Variants in ROS1 observed in about 807,000 individuals in gnomAD.
ROS1 encodes the protein ROS proto-oncogene 1, receptor tyrosine kinase.
In ROS1, 263 loss-of-function variants were observed where a neutral mutation model predicts 273.5. That is an observed-to-expected ratio of 0.96 (90% CI 0.87 to 1.06). The LOEUF is 1.06. Ranked by LOEUF, ROS1 falls within the 50% of genes least tolerant of loss-of-function variation. The probability of loss-of-function intolerance (pLI) is 0.00; values close to 1 mark genes in which losing one functional copy is unlikely to be tolerated. For synonymous variants in ROS1, 1,008 were observed against 954.1 expected, an observed-to-expected ratio of 1.06 and a Z score of -1.04; for missense variants, 2,833 against 2,751.1, an observed-to-expected ratio of 1.03 and a Z score of -0.67.
intron 32 of ROS1, among the ~76,000 whole-genome samples, chr6:117,336,257 G>A (rs1343545008): frequency 6.6e-6 from 1 of 151,782 alleles, no homozygotes; most frequent in Admixed American, 6.6e-5. Flanking sequence ...ACTACACCTA[G>A]CAAACCATCA....
chr6:117,337,433 T>G, intron 31 of ROS1, 93 bp from the exon 32 acceptor site: 1 of 914,722 alleles, frequency 1.1e-6, no homozygotes, highest in East Asian at 2.7e-5. Flanking sequence ...GTGGTTAAAA[T>G]TTAAGCATTC....
chr6:117,391,162 T>A (rs186204369), intron 12 of ROS1, among the ~76,000 whole-genome samples: 1 of 152,236 alleles, frequency 6.6e-6, no homozygotes, highest in South Asian at 2.1e-4. Context: ...TAGAATAATA[T>A]CCTGAGATAT....
At position 117,412,605 on chromosome 6, in the gene ROS1, CA is replaced by C. The variant is rs1775005959; in HGVS notation, c.255+1913del. On this transcript the variant is annotated intron_variant, in intron 4 of 43. Transcript: ENST00000368507. ...ATAGATAGGTACATAGATAGATAGA[CA>C]GATAGATAGATAGATAGATAGATAG... Among the ~76,000 whole-genome samples, 31 of 151,264 alleles carry C rather than the reference CA, an allele frequency of 2.0e-4. No individual in the cohort carries two copies. In the East Asian group the frequency reaches 5.4e-3, roughly 27 times the overall value.
At chr6:117,294,672 C>T (rs1364519253) in intron 43 of ROS1, among the ~76,000 whole-genome samples, 24 of 152,008 alleles carry the variant, frequency 1.6e-4, no homozygotes, top group Non-Finnish European at 2.2e-4. Context: ...CAAAAATAAT[C>T]TAGCTGATAA....
intron 43 of ROS1, among the ~76,000 whole-genome samples, chr6:117,293,065 A>G (rs554973233): frequency 1.3e-5 from 2 of 152,290 alleles, no homozygotes; most frequent in Admixed American, 6.5e-5. Flanking sequence ...CCTGAAATAC[A>G]TAGGATACCT....
chr6:117,296,739 G>C (rs1184670675), intron 43 of ROS1, among the ~76,000 whole-genome samples: 1 of 152,108 alleles, frequency 6.6e-6, no homozygotes, highest in Non-Finnish European at 1.5e-5. Flanking sequence ...CTAAATATTT[G>C]ATAGCACAAT....
intron 42 of ROS1, among the ~76,000 whole-genome samples, chr6:117,305,559 T>C (rs573233957): frequency 9.2e-5 from 14 of 152,262 alleles, no homozygotes; most frequent in African/African-American, 2.6e-4. Flanking sequence ...TGTTAATATA[T>C]AAACCCTTTC....
At chr6:117,425,024 C>G (rs1776036412) in intron 1 of ROS1, among the ~76,000 whole-genome samples, 1 of 152,088 alleles carries the variant, frequency 6.6e-6, no homozygotes, top group African/African-American at 2.4e-5. Context: ...ATATAAAAAA[C>G]TCACTAACTA....
At chr6:117,301,953 T>C (rs577068066) in intron 42 of ROS1, among the ~76,000 whole-genome samples, 1 of 152,304 alleles carries the variant, frequency 6.6e-6, no homozygotes, top group Non-Finnish European at 1.5e-5. Context: ...TAGTATTCAT[T>C]CATTCACTCA....
chr6:117,407,497 C>T lies in ROS1; in HGVS notation c.316+2085G>A, dbSNP rs1562376933. Among the ~76,000 whole-genome samples, 3 of 152,278 alleles carry T rather than the reference C, an allele frequency of 2.0e-5. No individual in the cohort carries two copies. In the South Asian group the frequency reaches 6.2e-4, roughly 32 times the overall value. ...TCAAAATCTAACACTGAGAAGCATA[C>T]CTTCTGTACCTTTTACAAATTTCTA... On this transcript the variant is annotated intron_variant, in intron 5 of 43. Transcript: ENST00000368507.
At chr6:117,340,635 C>A (rs371088897) in intron 31 of ROS1, among the ~76,000 whole-genome samples, 1 of 152,036 alleles carries the variant, frequency 6.6e-6, no homozygotes, top group Non-Finnish European at 1.5e-5. Flanking sequence ...TTGGTTAAAG[C>A]GTGAAAAGTT....
At position 117,394,115 on chromosome 6, in the gene ROS1, T is replaced by A. The variant is rs2208423; in HGVS notation, c.1191+47A>T. On this transcript the variant is annotated intron_variant, in intron 11 of 43. Coordinates refer to ENST00000368507, the MANE Select transcript of ROS1 (RefSeq NM_001378902.1). ...TATTAAATATACCAAGATATGCATA[T>A]CAGTATCACTGTCTATCACTATTCC... 7,130 of 1,232,052 alleles carry A rather than the reference T, an allele frequency of 5.8e-3. 317 individuals are homozygous for A. The Admixed American group carries it at 0.08, about 14-fold the overall frequency. The allele number at this position is 1,232,052 out of a possible 1,614,324, so 76.3% of individuals were successfully genotyped here.
At chr6:117,306,830 T>G in intron 42 of ROS1, among the ~76,000 whole-genome samples, 2 of 152,156 alleles carry the variant, frequency 1.3e-5, no homozygotes, top group Non-Finnish European at 2.9e-5. Flanking sequence ...GATCTCCATT[T>G]CCTAGCCCAG....
rs896690501 is a variant in ROS1 at position 117,287,828 on chromosome 6, G to A, written c.*664C>T. Among the ~76,000 whole-genome samples, 4 of 151,146 alleles carry A rather than the reference G, an allele frequency of 2.6e-5. No homozygotes were observed. Among genetic ancestry groups the A allele is most frequent in the East Asian group, 3.9e-4 (2 of 5,136 alleles). On this transcript the variant is annotated 3_prime_UTR_variant, in exon 44 of 44. Transcript: ENST00000368507. ...CCAGCTACTTAGGAGGCTGAGGCAC[G>A]AGAATTGCTTGAACCCAGGAGGTGG...
chr6:117,348,812 TTTTAA>T (rs1159311679), intron 27 of ROS1, among the ~76,000 whole-genome samples: 1 of 151,980 alleles, frequency 6.6e-6, no homozygotes, highest in African/African-American at 2.4e-5. Context: ...TTCAAAATAT[TTTTAA>T]TTTGAGATTT....
At chr6:117,308,554 C>T (rs1305789070) in intron 42 of ROS1, among the ~76,000 whole-genome samples, 1 of 151,950 alleles carries the variant, frequency 6.6e-6, no homozygotes, top group East Asian at 1.9e-4. Flanking sequence ...TTTACTTAAC[C>T]AGAAGTATTT....
intron 18 of ROS1, among the ~76,000 whole-genome samples, chr6:117,370,064 TAAA>T (rs1780645966): frequency 6.6e-6 from 1 of 152,206 alleles, no homozygotes; most frequent in African/African-American, 2.4e-5. Context: ...TGTATGTGTA[TAAA>T]TCTATATCTA....
chr6:117,321,116 G>A (rs1328635970), intron 36 of ROS1, 143 bp downstream of exon 36: 8 of 813,192 alleles, frequency 9.8e-6, no homozygotes, highest in Non-Finnish European at 1.4e-5. Flanking sequence ...ATTTGAGAGT[G>A]GAAGAGGAAG....
In ROS1 at chr6:117,341,433, A is replaced by C; in HGVS notation, c.4851T>G (p.Thr1617=). 6.2e-7 allele frequency: 1 copy of C among 1,613,806 alleles called. No homozygotes were observed. The highest frequency in any genetic ancestry group is 8.5e-7 in the Non-Finnish European group (1 of 1,179,720). The stretch of plus-strand genomic sequence containing the variant: ...CATAAATATTTCCACCAGACAGTCT[A>C]GTAACAAGGAGAGTGAGCCTTCCAT... ...FPNGRLTLLV[T]RLSGGNIYVL... Residue 1617 remains threonine (T), a synonymous_variant, in exon 30 of 44, where the codon ACT becomes ACG. Coordinates refer to ENST00000368507, the MANE Select transcript of ROS1 (RefSeq NM_001378902.1).
Sources: allele counts gnomAD v4.1 joint callset (sites outside exome capture counted in the v4.1 genomes callset), GRCh38; gene constraint gnomAD v4.1.1; transcripts MANE v1.5; gene names NCBI Gene and HGNC (gene_info 2026-07-23, HGNC 2026-07-21).